Variants in C3orf49 observed in about 807,000 individuals in gnomAD.
C3orf49 encodes the protein putative uncharacterized protein C3orf49.
Under a neutral mutation model 13.3 loss-of-function variants are expected in C3orf49, and 27 were observed. The ratio of observed to expected loss-of-function variants is 2.02; its 90% CI spans 1.49 to 2.79. The LOEUF is 2.79. Among genes scored for constraint, C3orf49 ranks in the 30% most tolerant of loss-of-function variants. The pLI is 0.00. For missense variants in C3orf49, 242 were observed against 134.2 expected (o/e 1.80, Z -3.97); for synonymous variants, 87 against 47.6 (o/e 1.83, Z -3.40).
the C3orf49 span, among the ~76,000 whole-genome samples, chr3:63,789,004 T>G: frequency 6.6e-6 from 1 of 152,134 alleles, no homozygotes; most frequent in Non-Finnish European, 1.5e-5. Flanking sequence ...GGCTAATCAC[T>G]GATCACTTAC....
At chr3:63,830,713 C>T (rs1256703885) in intron 3 of C3orf49, among the ~76,000 whole-genome samples, 1 of 152,142 alleles carries the variant, frequency 6.6e-6, no homozygotes, top group Non-Finnish European at 1.5e-5. Context: ...CCTGCAGAAA[C>T]GAGACCAAAT....
At chr3:63,831,554 A>C (rs1326003556) in intron 4 of C3orf49, 126 bp from the exon 5 acceptor site, 1 of 643,154 alleles carries the variant, frequency 1.6e-6, no homozygotes, top group East Asian at 2.7e-5. Flanking sequence ...AATTAGAATA[A>C]TATTTTAAGA....
In C3orf49 at chr3:63,819,489, G is replaced by A. The variant is rs946853362; in HGVS notation, c.18G>A (p.Leu6=). The change falls in exon 1 of 7, where the codon CTG becomes CTA. Residue 6 remains leucine, a synonymous_variant. Transcript: ENST00000295896. ...TGAGAGCAATGGCCCAACCTCAGCTGTATCTACCAGAACCCTTTAAGATTG... is the reference window on the plus strand; with the variant it reads ...TGAGAGCAATGGCCCAACCTCAGCTATATCTACCAGAACCCTTTAAGATTG... MAQPQ[L]YLPEPFKIAY... 4 of 702,840 alleles carry A rather than the reference G, an allele frequency of 5.7e-6. No homozygotes were observed. The highest frequency in any genetic ancestry group is 1.0e-5 in the Non-Finnish European group (4 of 384,942). The allele number at this position is 702,840 out of a possible 1,614,324, so 43.5% of individuals were successfully genotyped here.
At chr3:63,780,471 A>G in the C3orf49 span, among the ~76,000 whole-genome samples, 1 of 152,332 alleles carries the variant, frequency 6.6e-6, no homozygotes, top group Admixed American at 6.5e-5. Flanking sequence ...TCCTTACAGC[A>G]GCATGTTTTA....
chr3:63,816,057 T>C (rs1251366196), upstream of C3orf49, among the ~76,000 whole-genome samples: 1 of 151,528 alleles, frequency 6.6e-6, no homozygotes, highest in Admixed American at 6.6e-5. Context: ...GTGCCGGGAT[T>C]ACAGGCATGA....
chr3:63,801,272 A>G, the C3orf49 span, among the ~76,000 whole-genome samples: 5 of 152,020 alleles, frequency 3.3e-5, no homozygotes, highest in African/African-American at 1.2e-4. Context: ...ATTTTTTTTT[A>G]TAGTAGAGAA....
At chr3:63,785,059 CTTCTTCTTT>C in the C3orf49 span, among the ~76,000 whole-genome samples, 1 of 116,216 alleles carries the variant, frequency 8.6e-6, no homozygotes, top group Non-Finnish European at 1.7e-5. Flanking sequence ...GACTTCTCTT[CTTCTTCTTT>C]TTTTTTTTTT....
chr3:63,823,437 G>A lies in C3orf49; in HGVS notation c.313G>A (p.Ala105Thr). The A allele has an allele frequency of 1.4e-6, 1 of 703,222 alleles. No homozygotes were observed. Among genetic ancestry groups the A allele is most frequent in the South Asian group, 1.5e-5 (1 of 67,604 alleles). 43.6% of individuals were successfully genotyped at this position (703,222 alleles called of 1,614,324 possible). ...SYKYRSKPAC[A>T]SQEGSTDHKE... ...CAAGTATAGAAGCAAGCCAGCATGT[G>A]CCAGCCAAGAGGGCTCCACTGACCA... is the stretch of plus-strand genomic sequence containing the variant. Residue 105 changes from alanine (A) to threonine (T), a missense_variant, in exon 2 of 7, where the codon GCC becomes ACC. Ala to Thr is a moderately conservative substitution (Grantham distance 58). Transcript: ENST00000295896.
intron 5 of C3orf49, chr3:63,833,922 TAAG>T: frequency 2.1e-6 from 1 of 474,840 alleles, no homozygotes; most frequent in East Asian, 3.5e-5. Context: ...TCCTACCACT[TAAG>T]AATAAAAAAT....
chr3:63,844,153 TCTCACAGA>T (rs1186285790), intron 5 of C3orf49, among the ~76,000 whole-genome samples: 1 of 152,070 alleles, frequency 6.6e-6, no homozygotes, highest in Non-Finnish European at 1.5e-5. Context: ...AAAAAGGTGG[TCTCACAGA>T]AATAGAGAGT....
chr3:63,819,093 T>TTTTTTG (rs1701362606), upstream of C3orf49, among the ~76,000 whole-genome samples: 1 of 151,648 alleles, frequency 6.6e-6, no homozygotes, highest in Non-Finnish European at 1.5e-5. Context: ...TGTGTGGGTG[T>TTTTTTG]TTTTTGTTGT....
At chr3:63,827,157 C>T (rs758363172) in intron 2 of C3orf49, 2 of 153,368 alleles carry the variant, frequency 1.3e-5, no homozygotes, top group Non-Finnish European at 1.5e-5. Flanking sequence ...ATCCAAAGTT[C>T]ACCTGGCTCC....
At chr3:63,795,600 C>T in the C3orf49 span, among the ~76,000 whole-genome samples, 1 of 152,106 alleles carries the variant, frequency 6.6e-6, no homozygotes, top group African/African-American at 2.4e-5. Flanking sequence ...CTCAATCGTC[C>T]TCTTCCTTCT....
chr3:63,838,423 C>A (rs754509740), intron 5 of C3orf49: 42 of 1,600,056 alleles, frequency 2.6e-5, no homozygotes, highest in Non-Finnish European at 3.3e-5. Context: ...AGATTCATAT[C>A]ATATACTAGT....
the C3orf49 span, among the ~76,000 whole-genome samples, chr3:63,814,126 TGTGA>T: frequency 6.6e-5 from 10 of 152,226 alleles, no homozygotes; most frequent in South Asian, 1.9e-3. Flanking sequence ...ACTGAATGCT[TGTGA>T]GTATGTTTAA....
intron 5 of C3orf49, among the ~76,000 whole-genome samples, chr3:63,842,852 G>A (rs1701797672): frequency 6.6e-6 from 1 of 152,106 alleles, no homozygotes; most frequent in Non-Finnish European, 1.5e-5. Flanking sequence ...CATGATCTCG[G>A]CTCACTGCAA....
the C3orf49 span, among the ~76,000 whole-genome samples, chr3:63,813,498 CTA>C: frequency 1.3e-5 from 2 of 152,096 alleles, no homozygotes; most frequent in Non-Finnish European, 2.9e-5. Flanking sequence ...TATTTCAAAG[CTA>C]TATGAGTCTT....
the C3orf49 span, among the ~76,000 whole-genome samples, chr3:63,785,549 C>T: frequency 6.6e-6 from 1 of 152,068 alleles, no homozygotes; most frequent in African/African-American, 2.4e-5. Flanking sequence ...AAAGGGTGTT[C>T]ATAAAAATCA....
the C3orf49 span, among the ~76,000 whole-genome samples, chr3:63,790,169 C>G: frequency 6.6e-6 from 1 of 152,120 alleles, no homozygotes; most frequent in Non-Finnish European, 1.5e-5. Context: ...CTCTATCCAT[C>G]AATAAGAGAG....
Sources: gnomAD v4.1 joint callset for allele counts (sites outside exome capture counted in the v4.1 genomes callset) on GRCh38, gnomAD v4.1.1 for gene constraint, MANE v1.5 for transcripts, NCBI Gene and HGNC (gene_info 2026-07-23, HGNC 2026-07-21) for gene names.